Variants in ASS1 observed in about 807,000 individuals in gnomAD.
ASS1 encodes the protein argininosuccinate synthase.
ASS1 carries 58 observed loss-of-function variants against 60.5 expected under a neutral mutation model. The observed-to-expected ratio is 0.96, with a 90% confidence interval of 0.78 to 1.19. ASS1 has a LOEUF of 1.19. ASS1 is among the 50% of genes most tolerant of loss of function. The pLI, the probability that ASS1 is intolerant of heterozygous loss-of-function variation, is 0.00. For missense variants in ASS1, 454 were observed against 547.3 expected, an observed-to-expected ratio of 0.83 and a Z score of 1.70; for synonymous variants, 200 against 206.9, an observed-to-expected ratio of 0.97 and a Z score of 0.29.
At chr9:130,454,949 CATCCATCT>C (rs1368847610) in intron 3 of ASS1, among the ~76,000 whole-genome samples, 14 of 151,058 alleles carry the variant, frequency 9.3e-5, no homozygotes, top group South Asian at 2.1e-4. Flanking sequence ...ATCCATCCAT[CATCCATCT>C]ATCCATCTAT....
intron 6 of ASS1, among the ~76,000 whole-genome samples, chr9:130,469,721 G>T (rs907128684): frequency 6.6e-6 from 1 of 152,192 alleles, no homozygotes; most frequent in East Asian, 1.9e-4. Flanking sequence ...CCCGAAACCA[G>T]AGCATTTAGC....
At chr9:130,492,464 C>G (rs1379676576) in intron 12 of ASS1, among the ~76,000 whole-genome samples, 2 of 152,178 alleles carry the variant, frequency 1.3e-5, no homozygotes, top group South Asian at 2.1e-4. Context: ...GTGACCACTG[C>G]CACTCTGCAT....
At chr9:130,446,637 G>T (rs897586820) in intron 1 of ASS1, among the ~76,000 whole-genome samples, 2 of 152,222 alleles carry the variant, frequency 1.3e-5, no homozygotes, top group African/African-American at 4.8e-5. Context: ...GAGTGCTTGG[G>T]AAGCAGGCCC....
At chr9:130,460,770 G>A (rs1039650366) in intron 4 of ASS1, among the ~76,000 whole-genome samples, 1 of 152,162 alleles carries the variant, frequency 6.6e-6, no homozygotes, top group South Asian at 2.1e-4. Flanking sequence ...GTTGGATGGA[G>A]GTGGCCAGTG....
At chr9:130,468,298 G>A (rs903844362) in intron 6 of ASS1, among the ~76,000 whole-genome samples, 3 of 152,172 alleles carry the variant, frequency 2.0e-5, no homozygotes, top group Admixed American at 1.3e-4. Flanking sequence ...GCAAAAAGGC[G>A]CCAGAGGACT....
chr9:130,453,153 A>G (rs1845362372), intron 2 of ASS1, among the ~76,000 whole-genome samples: 1 of 152,190 alleles, frequency 6.6e-6, no homozygotes, highest in Non-Finnish European at 1.5e-5. Context: ...ACCTTTCCCA[A>G]AAAGGAGGGC....
intron 13 of ASS1, 35 bp downstream of exon 13, chr9:130,495,058 G>T: frequency 6.3e-7 from 1 of 1,582,576 alleles, no homozygotes. Context: ...ACCCCCACTT[G>T]GGCACAGAGC....
intron 10 of ASS1, 196 bp downstream of exon 10, chr9:130,479,996 G>A (rs892771021): frequency 5.0e-5 from 37 of 746,126 alleles, no homozygotes; most frequent in South Asian, 7.3e-5. Flanking sequence ...CCTTAGCCTT[G>A]GAAGATAACA....
rs1846400222 is a variant in ASS1 at position 130,489,678 on chromosome 9, T to C, written c.970+214T>C. ...AGCAAGGGGATGCTAGAACCTGCCT[T>C]GCCATGGGGTGTGTCCAGGGAGATG... On this transcript the variant is annotated intron_variant, in intron 12 of 14. Coordinates refer to ENST00000352480, the MANE Select transcript of ASS1 (RefSeq NM_054012.4). The surrounding 1 kb of genome is among the most constrained non-coding windows in gnomAD (Gnocchi z 4.1). Among the ~76,000 whole-genome samples the C allele has an allele frequency of 6.6e-6, 1 of 152,132 alleles. No individual in the cohort carries two copies. The highest frequency in any genetic ancestry group is 2.4e-5 in the African/African-American group (1 of 41,434).
At chr9:130,447,095 G>C (rs892932388) in intron 1 of ASS1, among the ~76,000 whole-genome samples, 7 of 152,256 alleles carry the variant, frequency 4.6e-5, no homozygotes, top group African/African-American at 1.4e-4. Context: ...GTAGGCCTGA[G>C]CTATAGCACA....
chr9:130,482,242 T>G (rs1192246493), intron 11 of ASS1, among the ~76,000 whole-genome samples: 3 of 151,688 alleles, frequency 2.0e-5, no homozygotes, highest in African/African-American at 7.3e-5. Flanking sequence ...ACACTGGAAG[T>G]GCTCCATAAA....
intron 4 of ASS1, among the ~76,000 whole-genome samples, chr9:130,463,862 G>T (rs1007086324): frequency 1.3e-5 from 2 of 151,850 alleles, no homozygotes; most frequent in Non-Finnish European, 1.5e-5. Flanking sequence ...GCTCCAGGGG[G>T]TCAGATGTGT....
chr9:130,489,330 T>C lies in ASS1; in HGVS notation c.839-3T>C. On this transcript the variant is annotated splice_region_variant and splice_polypyrimidine_tract_variant and intron_variant, in intron 11 of 14. Coordinates refer to ENST00000352480, the MANE Select transcript of ASS1 (RefSeq NM_054012.4). The surrounding 1 kb of genome is among the most constrained non-coding windows in gnomAD (Gnocchi z 4.1). Reference sequence around the variant, plus strand: ...TTTTCCCCCTGCCTGGAAAAATGGCTAGGTATCTACGAGACCCCAGCAGGC... The same window carrying C: ...TTTTCCCCCTGCCTGGAAAAATGGCCAGGTATCTACGAGACCCCAGCAGGC... 1 of 1,613,760 alleles carries C rather than the reference T, an allele frequency of 6.2e-7. No individual in the cohort carries two copies. Among genetic ancestry groups the C allele is most frequent in the Non-Finnish European group, 8.5e-7 (1 of 1,179,918 alleles).
intron 10 of ASS1, 95 bp from the exon 11 acceptor site, chr9:130,480,290 G>T: frequency 7.4e-7 from 1 of 1,347,918 alleles, no homozygotes; most frequent in Non-Finnish European, 1.1e-6. Flanking sequence ...CTAATGTGTG[G>T]CCTAAGCTGT....
At position 130,447,239 on chromosome 9, in the gene ASS1, G is replaced by A. The variant is rs149119376; in HGVS notation, c.-6+2244G>A. On this transcript the variant is annotated intron_variant, in intron 1 of 14. Coordinates refer to ENST00000352480, the MANE Select transcript of ASS1 (RefSeq NM_054012.4). ...GGAGTGGAAGGCCTAGTGCAGGGAA[G>A]AGCAAGTGGCCTGCAGTCAGGCTGG... Among the ~76,000 whole-genome samples the A allele has an allele frequency of 9.6e-3, 1,465 of 152,348 alleles. 10 individuals are homozygous for A. The highest frequency in any genetic ancestry group is 0.034 in the Middle Eastern group (10 of 294).
Position 130,491,239 on chromosome 9 carries a change from G to A in ASS1, c.970+1775G>A, listed in dbSNP as rs935281541. Among the ~76,000 whole-genome samples the A allele has an allele frequency of 4.6e-5, 7 of 152,142 alleles. No homozygotes were observed. Among genetic ancestry groups the A allele is most frequent in the Admixed American group, 1.3e-4 (2 of 15,280 alleles). On this transcript the variant is annotated intron_variant, in intron 12 of 14. Transcript: ENST00000352480. This position sits in a 1 kb window ranked among gnomAD's most constrained non-coding sequence, Gnocchi z 5.3. ...TTGTCTCCTGCAGGCTTTCCAGCCC[G>A]GCGGGATTGCGACCCCGAAAGGAGG...
At chr9:130,480,970 C>G (rs1174305280) in intron 11 of ASS1, among the ~76,000 whole-genome samples, 1 of 150,600 alleles carries the variant, frequency 6.6e-6, no homozygotes, top group Non-Finnish European at 1.5e-5. Context: ...TGGGGCTGTG[C>G]CACAGTTGGG....
chr9:130,484,779 G>T (rs188635052), intron 11 of ASS1, among the ~76,000 whole-genome samples: 161 of 149,690 alleles, frequency 1.1e-3, no homozygotes, highest in Admixed American at 5.4e-3. Context: ...CTGTGGAGAG[G>T]AGAGGGAAGA....
intron 3 of ASS1, among the ~76,000 whole-genome samples, chr9:130,457,895 G>A (rs1845483456): frequency 6.6e-6 from 1 of 152,102 alleles, no homozygotes. Context: ...GCGGTGGCTT[G>A]TGCCTGTAAT....
Sources: allele counts gnomAD v4.1 joint callset (sites outside exome capture counted in the v4.1 genomes callset), GRCh38; gene constraint gnomAD v4.1.1; non-coding constraint Gnocchi (gnomAD v3.1); transcripts MANE v1.5; gene names NCBI Gene and HGNC (gene_info 2026-07-23, HGNC 2026-07-21).